The following ANKRD36B variants were observed in gnomAD, a reference collection of about 807,000 sequenced individuals.
ANKRD36B encodes the protein ankyrin repeat domain-containing protein 36B.
Under a neutral mutation model 135.7 loss-of-function variants are expected in ANKRD36B, and 37 were observed. The observed-to-expected ratio is 0.27, with a 90% CI of 0.21 to 0.36. The LOEUF (loss-of-function observed/expected upper bound fraction) is 0.36. Among genes scored for constraint, ANKRD36B ranks in the 10% least tolerant of loss-of-function variants. The pLI, the probability that ANKRD36B is intolerant of heterozygous loss-of-function variation, is 1.00. For missense variants in ANKRD36B, 549 were observed against 1,037.1 expected, an observed-to-expected ratio of 0.53 and a Z score of 6.46; for synonymous variants, 179 against 348.1, an observed-to-expected ratio of 0.51 and a Z score of 5.41.
intron 6 of ANKRD36B, among the ~76,000 whole-genome samples, chr2:97,563,062 A>G (rs1403669231): frequency 6.6e-6 from 1 of 152,068 alleles, no homozygotes; most frequent in Non-Finnish European, 1.5e-5. Flanking sequence ...TTTTATGTAC[A>G]CAACACTTTG....
intron 3 of ANKRD36B, among the ~76,000 whole-genome samples, chr2:97,581,669 CTT>C (rs1446403153): frequency 6.6e-6 from 1 of 152,084 alleles, no homozygotes; most frequent in Non-Finnish European, 1.5e-5. Flanking sequence ...TCTTACCTAA[CTT>C]ATTTTATTTT....
In ANKRD36B at chr2:97,545,903, T is replaced by C. The variant is rs1487717852; in HGVS notation, c.1580-42A>G. Reference sequence around the variant, plus strand: ...ATACATAATCACTCATACATAAATATGATAAAGTTATCCATACATTCATAC... The same window carrying C: ...ATACATAATCACTCATACATAAATACGATAAAGTTATCCATACATTCATAC... On this transcript the variant is annotated intron_variant, in intron 22 of 43. Coordinates refer to ENST00000359901, the MANE Select transcript of ANKRD36B (RefSeq NM_001393939.1). The C allele has an allele frequency of 4.4e-6, 4 of 900,130 alleles. 1 individual carries two copies. In the South Asian group the frequency reaches 4.8e-5, roughly 11 times the overall value. The allele number at this position is 900,130 out of a possible 1,614,324, so 55.8% of individuals were successfully genotyped here. A position where few individuals can be genotyped will look rare whatever the true frequency, so the allele number is the denominator to read the frequency against.
In ANKRD36B at chr2:97,539,483, C is replaced by T. The variant is rs3970447; in HGVS notation, c.1987+551G>A. Among the ~76,000 whole-genome samples, 3 of 96,110 alleles carry T rather than the reference C, an allele frequency of 3.1e-5. 1 individual carries two copies. Among genetic ancestry groups the T allele is most frequent in the Admixed American group, 1.9e-4 (2 of 10,734 alleles). 63.1% of individuals were successfully genotyped at this position (96,110 alleles called of 152,430 possible). ...TCAAATCTTCTTTTAGGAAAATATT[C>T]GAATATGCATCTGAACACAAGTTTC... On this transcript the variant is annotated intron_variant, in intron 30 of 43. Transcript: ENST00000359901.
At chr2:97,557,765 C>T (rs2080660936) in intron 10 of ANKRD36B, among the ~76,000 whole-genome samples, 1 of 151,736 alleles carries the variant, frequency 6.6e-6, no homozygotes, top group South Asian at 2.1e-4. Context: ...CTAGTTTAGG[C>T]TACAGAAAGG....
intron 19 of ANKRD36B, 24 bp from the exon 20 acceptor site, chr2:97,549,515 A>G: frequency 6.3e-7 from 1 of 1,598,086 alleles, no homozygotes; most frequent in Non-Finnish European, 8.5e-7. Flanking sequence ...GAAATGAAAT[A>G]ATAAATAAAT....
At chr2:97,561,126 T>C (rs1249664499) in intron 6 of ANKRD36B, among the ~76,000 whole-genome samples, 2 of 151,856 alleles carry the variant, frequency 1.3e-5, no homozygotes, top group African/African-American at 4.8e-5. Context: ...AATAAAACCA[T>C]GTCAATATCA....
chr2:97,571,915 T>G (rs981977495), intron 6 of ANKRD36B, among the ~76,000 whole-genome samples: 4 of 152,210 alleles, frequency 2.6e-5, no homozygotes, highest in Admixed American at 2.0e-4. Flanking sequence ...TATCCACTTC[T>G]CCTCCCAAAC....
intron 18 of ANKRD36B, among the ~76,000 whole-genome samples, chr2:97,550,131 C>T (rs2079904425): frequency 6.6e-6 from 1 of 151,136 alleles, no homozygotes; most frequent in African/African-American, 2.4e-5. Context: ...TGGAAGAGTC[C>T]TGAATTGATC....
intron 6 of ANKRD36B, among the ~76,000 whole-genome samples, chr2:97,573,292 T>C (rs1245454491): frequency 6.6e-6 from 1 of 152,212 alleles, no homozygotes; most frequent in Non-Finnish European, 1.5e-5. Context: ...ATGTGCCACA[T>C]TTTCTTAATC....
At position 97,524,990 on chromosome 2, in the gene ANKRD36B, T is replaced by A. The variant is rs1306157792; in HGVS notation, c.2266-1523A>T. 2 of 97,232 alleles carry A rather than the reference T, an allele frequency of 2.1e-5. 1 individual carries two copies. The highest frequency in any genetic ancestry group is 5.5e-5 in the Non-Finnish European group (2 of 36,508). 6.0% of individuals were successfully genotyped at this position (97,232 alleles called of 1,614,324 possible). Reference sequence around the variant, plus strand: ...TGTCTTTTCTGTCAGAGTACATGTTTTAGAAATAACTCTATCTTTAAATAA... The same window carrying A: ...TGTCTTTTCTGTCAGAGTACATGTTATAGAAATAACTCTATCTTTAAATAA... On this transcript the variant is annotated intron_variant, in intron 35 of 43. Transcript: ENST00000359901.
rs199835294 is a variant in ANKRD36B, at chr2:97,549,603, T to C, written c.1387A>G (p.Lys463Glu). ...GEISRTVSSQ[K>E]PPALKATSVK... ...TTCATTACCTTCAAGGCTGGTGGTT[T>C]CTGAGAAGACACTGAAAAGCAAAAG... Residue 463 changes from lysine (K) to glutamate (E), a missense_variant, in exon 19 of 44, where the codon AAA (lysine) becomes GAA (glutamate). Transcript: ENST00000359901. 48 of 1,608,564 alleles carry C rather than the reference T, an allele frequency of 3.0e-5. No homozygotes were observed. Among genetic ancestry groups the C allele is most frequent in the Non-Finnish European group, 2.7e-5 (32 of 1,177,938 alleles).
chr2:97,540,388 T>C lies in ANKRD36B; in HGVS notation c.1886-159A>G, dbSNP rs1327182592. On this transcript the variant is annotated intron_variant, in intron 28 of 43. Transcript: ENST00000359901. ...TCTGGGGATTGGAACATGACAGAAA[T>C]ACACTGAAAAAAAGTAATACAGCCT... Among the ~76,000 whole-genome samples the C allele has an allele frequency of 2.1e-5, 2 of 96,134 alleles. 1 individual carries two copies. Among genetic ancestry groups the C allele is most frequent in the Admixed American group, 1.9e-4 (2 of 10,718 alleles). 63.1% of individuals were successfully genotyped at this position (96,134 alleles called of 152,430 possible).
At chr2:97,579,621 A>ACAATC (rs2082457091) in intron 4 of ANKRD36B, among the ~76,000 whole-genome samples, 1 of 128,976 alleles carries the variant, frequency 7.8e-6, no homozygotes, top group African/African-American at 2.7e-5. Context: ...TATATTATAT[A>ACAATC]TAATCTATAA....
At chr2:97,575,661 T>C (rs2082182471) in intron 6 of ANKRD36B, among the ~76,000 whole-genome samples, 1 of 148,008 alleles carries the variant, frequency 6.8e-6, no homozygotes, top group African/African-American at 2.5e-5. Context: ...CCCTATCAAC[T>C]ATTATTGTTT....
intron 3 of ANKRD36B, among the ~76,000 whole-genome samples, chr2:97,584,601 A>C (rs2082845864): frequency 6.8e-6 from 1 of 147,822 alleles, no homozygotes; most frequent in Non-Finnish European, 1.5e-5. Context: ...GGACAATTTT[A>C]CTTTCCTGTG....
chr2:97,579,426 G>A (rs1291997939), intron 4 of ANKRD36B, among the ~76,000 whole-genome samples: 2 of 145,348 alleles, frequency 1.4e-5, no homozygotes, highest in East Asian at 3.9e-4. Context: ...GCTATCTGCA[G>A]GCTTAAAACA....
chr2:97,557,163 A>G (rs1256172976), intron 10 of ANKRD36B, 31 bp from the exon 11 acceptor site: 1 of 1,503,480 alleles, frequency 6.7e-7, no homozygotes, highest in African/African-American at 1.4e-5. Flanking sequence ...ATAATTCATC[A>G]TATGTAAATA....
intron 6 of ANKRD36B, among the ~76,000 whole-genome samples, chr2:97,575,757 T>C (rs889847118): frequency 1.3e-5 from 2 of 151,394 alleles, no homozygotes; most frequent in African/African-American, 4.9e-5. Flanking sequence ...GTAAATGGAG[T>C]AAATTTACTT....
At chr2:97,578,007 T>C (rs1318932045) in intron 5 of ANKRD36B, among the ~76,000 whole-genome samples, 2 of 151,888 alleles carry the variant, frequency 1.3e-5, no homozygotes, top group Non-Finnish European at 2.9e-5. Context: ...TTTAGAACTA[T>C]CCTAACTAAT....
Sources: allele counts gnomAD v4.1 joint callset (sites outside exome capture counted in the v4.1 genomes callset), GRCh38; gene constraint gnomAD v4.1.1; transcripts MANE v1.5; gene names NCBI Gene and HGNC (gene_info 2026-07-23, HGNC 2026-07-21).